Variants in NLN observed in about 807,000 individuals in gnomAD.
The protein encoded by NLN is neurolysin.
A neutral mutation model predicts 79.9 loss-of-function variants in NLN; 64 were observed. The observed-to-expected ratio is 0.80, with a 90% CI of 0.65 to 0.99. NLN has a LOEUF of 0.99. NLN is among the 50% of genes least tolerant of loss of function. The pLI is 0.00. For missense variants in NLN, 835 were observed against 858.7 expected, an observed-to-expected ratio of 0.97 and a Z score of 0.34; for synonymous variants, 267 against 296.6, an observed-to-expected ratio of 0.90 and a Z score of 1.02.
At position 65,777,510 on chromosome 5, in the gene NLN, C is replaced by T; in HGVS notation, c.534C>T (p.Leu178=). 6.2e-7 allele frequency: 1 copy of T among 1,608,536 alleles called. No individual in the cohort carries two copies. The highest frequency in any genetic ancestry group is 8.5e-7 in the Non-Finnish European group (1 of 1,175,074). Reference sequence around the variant, plus strand: ...TTAAAATGGGGAAAAGAAATGGGCTCCATCTTCCTGAACAAGTACAGAATG... The same window carrying T: ...TTAAAATGGGGAAAAGAAATGGGCTTCATCTTCCTGAACAAGTACAGAATG... ...KSIKMGKRNG[L]HLPEQVQNEI... Residue 178 remains leucine (L), a synonymous_variant, in exon 4 of 13, where the codon CTC becomes CTT. Coordinates refer to ENST00000380985, the MANE Select transcript of NLN (RefSeq NM_020726.5).
intron 1 of NLN, among the ~76,000 whole-genome samples, chr5:65,749,213 A>C (rs1302914345): frequency 1.3e-5 from 2 of 152,238 alleles, no homozygotes; most frequent in Non-Finnish European, 2.9e-5. Context: ...AAAATAGACT[A>C]ATACAGGGAC....
At chr5:65,748,159 C>A (rs1013418703) in intron 1 of NLN, among the ~76,000 whole-genome samples, 1 of 152,174 alleles carries the variant, frequency 6.6e-6, no homozygotes, top group Non-Finnish European at 1.5e-5. Context: ...CAAGATCGTG[C>A]CACTGCACTC....
rs554204480 is a variant in NLN, at chr5:65,754,908, A to C, written c.42-3659A>C. Among the ~76,000 whole-genome samples, 283 of 151,688 alleles carry C rather than the reference A, an allele frequency of 1.9e-3. 2 individuals are homozygous for C. The highest frequency in any genetic ancestry group is 6.8e-3 in the African/African-American group (280 of 41,320). On this transcript the variant is annotated intron_variant, in intron 1 of 12. Transcript: ENST00000380985. ...GGTTCCTGGTTCAGTCTTCCTTTCT[A>C]CTCCCGGGATCCACCATCAACCTGC...
chr5:65,729,513 T>C (rs1758557929), intron 1 of NLN, among the ~76,000 whole-genome samples: 1 of 151,936 alleles, frequency 6.6e-6, no homozygotes, highest in Non-Finnish European at 1.5e-5. Flanking sequence ...TAGCTGGGAT[T>C]ACAGGCACCT....
At chr5:65,740,930 G>C (rs1230439264) in intron 1 of NLN, 1 of 161,118 alleles carries the variant, frequency 6.2e-6, no homozygotes, top group Non-Finnish European at 1.3e-5. Context: ...CTGGTGTGCA[G>C]TGGCGTGATC....
chr5:65,761,478 GA>G (rs1195639644), intron 2 of NLN, among the ~76,000 whole-genome samples: 26 of 152,058 alleles, frequency 1.7e-4, no homozygotes, highest in African/African-American at 5.1e-4. Context: ...TTTTAGTAGA[GA>G]CAGGATTTCA....
intron 9 of NLN, among the ~76,000 whole-genome samples, chr5:65,808,775 A>G (rs1054854482): frequency 6.6e-6 from 1 of 152,196 alleles, no homozygotes; most frequent in Non-Finnish European, 1.5e-5. Flanking sequence ...CCTATAGCAT[A>G]TAACTCACTC....
At chr5:65,821,996 G>A (rs1469693471) in intron 12 of NLN, among the ~76,000 whole-genome samples, 1 of 152,206 alleles carries the variant, frequency 6.6e-6, no homozygotes, top group African/African-American at 2.4e-5. Context: ...GTTACTCTGT[G>A]AATTGTTTAT....
chr5:65,756,582 G>C (rs1256293673), intron 1 of NLN, among the ~76,000 whole-genome samples: 1 of 152,104 alleles, frequency 6.6e-6, no homozygotes, highest in Non-Finnish European at 1.5e-5. Context: ...TCTGTTATCT[G>C]TCACCTGATT....
intron 1 of NLN, among the ~76,000 whole-genome samples, chr5:65,744,399 T>C (rs958400331): frequency 2.0e-5 from 3 of 152,276 alleles, no homozygotes; most frequent in Admixed American, 1.3e-4. Context: ...GTAACCTCAG[T>C]AAATATTTGC....
At chr5:65,778,705 G>A (rs1759731261) in intron 4 of NLN, among the ~76,000 whole-genome samples, 1 of 152,176 alleles carries the variant, frequency 6.6e-6, no homozygotes. Context: ...GCACAGTGGA[G>A]TCATTGGCCA....
intron 9 of NLN, among the ~76,000 whole-genome samples, chr5:65,805,876 ACT>A (rs1217327860): frequency 6.6e-6 from 1 of 152,144 alleles, no homozygotes; most frequent in African/African-American, 2.4e-5. Flanking sequence ...GGACAGGCTG[ACT>A]CTCCTCTTAG....
chr5:65,818,085 ACTT>A, intron 12 of NLN, among the ~76,000 whole-genome samples: 2 of 152,318 alleles, frequency 1.3e-5, no homozygotes, highest in South Asian at 4.1e-4. Flanking sequence ...TTTCCAACCT[ACTT>A]CTTGAATATT....
chr5:65,750,579 G>A (rs1195061547), intron 1 of NLN, among the ~76,000 whole-genome samples: 1 of 152,192 alleles, frequency 6.6e-6, no homozygotes, highest in East Asian at 1.9e-4. Context: ...AGCTGGGTGT[G>A]CTGGCACATG....
At chr5:65,785,699 A>G in intron 6 of NLN, 76 bp from the exon 7 acceptor site, 1 of 1,157,496 alleles carries the variant, frequency 8.6e-7, no homozygotes, top group South Asian at 1.4e-5. Flanking sequence ...AAAAATACAT[A>G]CAGTAATTCT....
chr5:65,811,322 C>A (rs1427615043), intron 11 of NLN, among the ~76,000 whole-genome samples: 4 of 152,038 alleles, frequency 2.6e-5, no homozygotes, highest in Non-Finnish European at 5.9e-5. Flanking sequence ...GTCGCAATTA[C>A]ATTTTTAAAT....
intron 1 of NLN, among the ~76,000 whole-genome samples, chr5:65,746,111 A>G (rs1160027960): frequency 6.6e-6 from 1 of 152,158 alleles, no homozygotes; most frequent in Non-Finnish European, 1.5e-5. Context: ...TATAGGTGAC[A>G]TGTGTAGCCA....
intron 1 of NLN, among the ~76,000 whole-genome samples, chr5:65,751,187 T>C (rs1161918652): frequency 2.0e-5 from 3 of 152,158 alleles, no homozygotes; most frequent in Non-Finnish European, 4.4e-5. Flanking sequence ...TCTGGAAATA[T>C]CCTGCAAACC....
intron 1 of NLN, among the ~76,000 whole-genome samples, chr5:65,754,443 G>T (rs1759175345): frequency 6.6e-6 from 1 of 152,124 alleles, no homozygotes. Flanking sequence ...GGGTGTATGA[G>T]TGTTGAGAGG....
Sources: allele counts gnomAD v4.1 joint callset (sites outside exome capture counted in the v4.1 genomes callset), GRCh38; gene constraint gnomAD v4.1.1; transcripts MANE v1.5; gene names NCBI Gene and HGNC (gene_info 2026-07-23, HGNC 2026-07-21).